Variants in CHRM3 observed in about 807,000 individuals in gnomAD.
CHRM3 encodes muscarinic acetylcholine receptor M3.
In CHRM3, 11 loss-of-function variants were observed where a neutral mutation model predicts 41.8. The ratio of observed to expected loss-of-function variants is 0.26; its 90% CI spans 0.17 to 0.44. The LOEUF is 0.44. CHRM3 is among the 20% of genes least tolerant of loss of function. The probability of loss-of-function intolerance (pLI) is 1.00; values close to 1 mark genes in which losing one functional copy is unlikely to be tolerated. For missense variants in CHRM3, 571 were observed against 745.4 expected (o/e 0.77, Z 2.72); for synonymous variants, 297 against 301.4 (o/e 0.99, Z 0.15).
At chr1:239,656,376 C>G (rs955674554) in intron 4 of CHRM3, among the ~76,000 whole-genome samples, 1 of 150,872 alleles carries the variant, frequency 6.6e-6, no homozygotes, top group East Asian at 1.9e-4. Context: ...AATCCCAACA[C>G]TTTGGGAGGC....
At chr1:239,663,489 G>C (rs1425380979) in intron 4 of CHRM3, among the ~76,000 whole-genome samples, 1 of 152,114 alleles carries the variant, frequency 6.6e-6, no homozygotes, top group African/African-American at 2.4e-5. Flanking sequence ...AGAGTCGATG[G>C]GATGGAGTCC....
chr1:239,496,118 C>T (rs954547409), intron 2 of CHRM3, among the ~76,000 whole-genome samples: 10 of 152,148 alleles, frequency 6.6e-5, no homozygotes, highest in East Asian at 3.9e-4. Flanking sequence ...TATTGGCTGA[C>T]GTCTCTCTAT....
At chr1:239,898,707 C>G (rs916894011) in intron 6 of CHRM3, among the ~76,000 whole-genome samples, 2 of 152,076 alleles carry the variant, frequency 1.3e-5, no homozygotes, top group African/African-American at 4.8e-5. Flanking sequence ...TAGGTACTGC[C>G]CGGTTGGCTC....
intron 6 of CHRM3, among the ~76,000 whole-genome samples, chr1:239,858,252 C>A (rs571464360): frequency 6.6e-6 from 1 of 152,196 alleles, no homozygotes; most frequent in Non-Finnish European, 1.5e-5. Context: ...TTTAATCATA[C>A]ACATGAATGC....
chr1:239,803,171 G>A (rs1039287451), intron 5 of CHRM3, among the ~76,000 whole-genome samples: 4 of 152,170 alleles, frequency 2.6e-5, no homozygotes, highest in Non-Finnish European at 4.4e-5. Context: ...TGAACAAGGA[G>A]GTTAGGAAAC....
intron 6 of CHRM3, among the ~76,000 whole-genome samples, chr1:239,847,238 G>T (rs1026304004): frequency 6.6e-6 from 1 of 152,130 alleles, no homozygotes; most frequent in African/African-American, 2.4e-5. Context: ...ATTCCTGACT[G>T]CCAGAAAGAT....
intron 5 of CHRM3, among the ~76,000 whole-genome samples, chr1:239,775,780 T>C (rs961704620): frequency 1.3e-5 from 2 of 152,174 alleles, no homozygotes; most frequent in Non-Finnish European, 2.9e-5. Flanking sequence ...CAGACTGTCA[T>C]AGGCCAGGAT....
chr1:239,687,608 C>G (rs1455131650), intron 5 of CHRM3, among the ~76,000 whole-genome samples: 1 of 151,978 alleles, frequency 6.6e-6, no homozygotes, highest in African/African-American at 2.4e-5. Context: ...ATGTTTTAAC[C>G]AGGGACAGTT....
intron 6 of CHRM3, among the ~76,000 whole-genome samples, chr1:239,851,173 T>C (rs1450639716): frequency 6.6e-6 from 1 of 152,166 alleles, no homozygotes; most frequent in Admixed American, 6.5e-5. Flanking sequence ...ATGCTTCATT[T>C]TGAAGTCAGG....
intron 5 of CHRM3, among the ~76,000 whole-genome samples, chr1:239,691,129 A>G (rs1659677460): frequency 6.6e-6 from 1 of 152,082 alleles, no homozygotes; most frequent in Non-Finnish European, 1.5e-5. Context: ...GGAATCCAGG[A>G]GCAGTCCCAT....
chr1:239,559,545 T>C (rs578059122), intron 3 of CHRM3, among the ~76,000 whole-genome samples: 17 of 152,288 alleles, frequency 1.1e-4, no homozygotes, highest in African/African-American at 3.8e-4. Context: ...TTTTAAAATA[T>C]CAAATATGCC....
chr1:239,723,743 T>C (rs1334930629), intron 5 of CHRM3, among the ~76,000 whole-genome samples: 2 of 151,880 alleles, frequency 1.3e-5, no homozygotes, highest in African/African-American at 4.8e-5. Context: ...TAGGAGTTGC[T>C]GTGGGTCAAC....
intron 1 of CHRM3, among the ~76,000 whole-genome samples, chr1:239,488,254 C>T (rs1372084077): frequency 1.3e-5 from 2 of 152,108 alleles, no homozygotes; most frequent in African/African-American, 4.8e-5. Flanking sequence ...ATGTACATAA[C>T]CGTTAACTCC....
At chr1:239,403,989 GA>G (rs1660213726) in intron 1 of CHRM3, among the ~76,000 whole-genome samples, 1 of 142,130 alleles carries the variant, frequency 7.0e-6, no homozygotes, top group Non-Finnish European at 1.5e-5. Flanking sequence ...GAGAGAGAGA[GA>G]GAGAGAGAGA....
chr1:239,608,478 G>A (rs1433971906), intron 3 of CHRM3, among the ~76,000 whole-genome samples: 1 of 152,128 alleles, frequency 6.6e-6, no homozygotes, highest in Non-Finnish European at 1.5e-5. Context: ...TTTCCTCCTA[G>A]ATATTTTCAT....
chr1:239,511,920 AT>A (rs1668949139), intron 2 of CHRM3, among the ~76,000 whole-genome samples: 1 of 152,230 alleles, frequency 6.6e-6, no homozygotes, highest in Admixed American at 6.5e-5. Flanking sequence ...TACATTTAAA[AT>A]TCACTTGTTT....
intron 1 of CHRM3, among the ~76,000 whole-genome samples, chr1:239,453,541 A>G (rs1664712319): frequency 6.6e-6 from 1 of 152,230 alleles, no homozygotes; most frequent in Non-Finnish European, 1.5e-5. Flanking sequence ...CTTATTAGAA[A>G]CAAGATGCTG....
intron 3 of CHRM3, among the ~76,000 whole-genome samples, chr1:239,554,152 G>A (rs1263796153): frequency 6.6e-6 from 1 of 152,108 alleles, no homozygotes; most frequent in Non-Finnish European, 1.5e-5. Flanking sequence ...GCCTCCCAAA[G>A]TACTGGGATA....
intron 5 of CHRM3, among the ~76,000 whole-genome samples, chr1:239,728,236 G>T (rs1002596899): frequency 5.3e-5 from 8 of 151,934 alleles, no homozygotes; most frequent in African/African-American, 1.9e-4. Context: ...CCCACTGACA[G>T]AAGCTGAATT....
Sources: allele counts gnomAD v4.1 joint callset (sites outside exome capture counted in the v4.1 genomes callset), GRCh38; gene constraint gnomAD v4.1.1; transcripts MANE v1.5; gene names NCBI Gene and HGNC (gene_info 2026-07-23, HGNC 2026-07-21).